Variants in SNX29 observed in about 807,000 individuals in gnomAD.
The protein encoded by SNX29 is sorting nexin 29, also known as sorting nexin-29.
A neutral mutation model predicts 102.1 loss-of-function variants in SNX29; 78 were observed. The ratio of observed to expected loss-of-function variants is 0.76; its 90% CI spans 0.64 to 0.92. The LOEUF (loss-of-function observed/expected upper bound fraction) is 0.92, where lower values mean the gene tolerates loss of function less well. SNX29 is among the 40% of genes least tolerant of loss of function. The probability of loss-of-function intolerance (pLI) is 0.00; values close to 1 mark genes in which losing one functional copy is unlikely to be tolerated. For synonymous variants in SNX29, 580 were observed against 414.5 expected (o/e 1.40, Z -4.85); for missense variants, 1,280 against 1,061.7 (o/e 1.21, Z -2.86).
intron 14 of SNX29, among the ~76,000 whole-genome samples, chr16:12,210,085 C>T (rs982148336): frequency 1.8e-4 from 27 of 152,176 alleles, no homozygotes; most frequent in African/African-American, 6.5e-4. Context: ...TTTGGGGAAC[C>T]CTCTGTCCAG....
At chr16:12,382,762 C>A (rs1296752774) in intron 16 of SNX29, among the ~76,000 whole-genome samples, 2 of 152,170 alleles carry the variant, frequency 1.3e-5, no homozygotes, top group Non-Finnish European at 2.9e-5. Context: ...TCTCTTCTAG[C>A]CTCGGGTGGC....
At chr16:12,536,704 G>A (rs529630100) in intron 20 of SNX29, among the ~76,000 whole-genome samples, 150 of 152,304 alleles carry the variant, frequency 9.8e-4, no homozygotes, top group Non-Finnish European at 1.8e-3. Flanking sequence ...GGGGCTGGAC[G>A]TGGTGGCTCA....
intron 20 of SNX29, among the ~76,000 whole-genome samples, chr16:12,528,795 C>T (rs558781667): frequency 1.3e-5 from 2 of 152,210 alleles, no homozygotes; most frequent in Non-Finnish European, 2.9e-5. Flanking sequence ...GCACACTGTG[C>T]CACTGTGTGT....
chr16:12,070,512 A>G (rs1421544675), intron 10 of SNX29, among the ~76,000 whole-genome samples: 3 of 151,446 alleles, frequency 2.0e-5, no homozygotes, highest in Non-Finnish European at 2.9e-5. Flanking sequence ...TGAACTCATC[A>G]TTTTTTATGG....
chr16:12,077,731 C>G (rs1480521629), intron 10 of SNX29, among the ~76,000 whole-genome samples: 1 of 152,110 alleles, frequency 6.6e-6, no homozygotes, highest in African/African-American at 2.4e-5. Context: ...AGTGATTCTC[C>G]TGCCTCAGCC....
At chr16:12,185,917 G>A (rs1016653323) in intron 13 of SNX29, among the ~76,000 whole-genome samples, 4 of 152,200 alleles carry the variant, frequency 2.6e-5, no homozygotes, top group African/African-American at 9.6e-5. Flanking sequence ...GTTCCCAAAT[G>A]TCACTCAAAG....
At chr16:12,470,947 A>G (rs1272557924) in intron 18 of SNX29, among the ~76,000 whole-genome samples, 3 of 152,300 alleles carry the variant, frequency 2.0e-5, no homozygotes, top group East Asian at 3.9e-4. Flanking sequence ...TTACAGATGA[A>G]GAAGCTGAGT....
intron 15 of SNX29, among the ~76,000 whole-genome samples, chr16:12,279,039 G>C (rs943806115): frequency 6.6e-6 from 1 of 152,192 alleles, no homozygotes; most frequent in Non-Finnish European, 1.5e-5. Context: ...TGGTAAAGTT[G>C]AGAAGCTATG....
At chr16:12,532,525 A>G (rs983885609) in intron 20 of SNX29, among the ~76,000 whole-genome samples, 17 of 152,226 alleles carry the variant, frequency 1.1e-4, no homozygotes, top group African/African-American at 3.4e-4. Flanking sequence ...ATAGTTTAAG[A>G]ATAACTTATG....
chr16:12,537,399 C>G (rs1021910981), intron 20 of SNX29, among the ~76,000 whole-genome samples: 11 of 152,220 alleles, frequency 7.2e-5, no homozygotes, highest in African/African-American at 2.4e-4. Context: ...TTGAGCCAAA[C>G]AGACCTGGGC....
At chr16:12,347,745 G>T (rs1441763754) in intron 15 of SNX29, among the ~76,000 whole-genome samples, 1 of 151,980 alleles carries the variant, frequency 6.6e-6, no homozygotes, top group Non-Finnish European at 1.5e-5. Context: ...TGACAAACCT[G>T]TACAATAGGT....
chr16:12,273,342 GTTT>G (rs59985462), intron 14 of SNX29, among the ~76,000 whole-genome samples: 2 of 145,038 alleles, frequency 1.4e-5, no homozygotes, highest in Admixed American at 6.8e-5. Flanking sequence ...TTTGTTTTTT[GTTT>G]TTTTTTTTTT....
At chr16:12,477,335 C>T (rs1291537555) in intron 18 of SNX29, among the ~76,000 whole-genome samples, 1 of 152,182 alleles carries the variant, frequency 6.6e-6, no homozygotes, top group Non-Finnish European at 1.5e-5. Context: ...CCTCTCAGCT[C>T]TGTTTTACAG....
chr16:12,537,931 G>A (rs1353352478), intron 20 of SNX29, among the ~76,000 whole-genome samples: 1 of 150,144 alleles, frequency 6.7e-6, no homozygotes, highest in East Asian at 2.0e-4. Context: ...GTTGCAGTGA[G>A]CTGAGATCGT....
At chr16:12,274,173 G>A (rs2079174724) in intron 14 of SNX29, among the ~76,000 whole-genome samples, 1 of 152,184 alleles carries the variant, frequency 6.6e-6, no homozygotes, top group Admixed American at 6.5e-5. Context: ...CTCTCACGTG[G>A]CTTGCCTGGG....
At chr16:12,520,584 T>C (rs1032813824) in intron 19 of SNX29, among the ~76,000 whole-genome samples, 4 of 152,160 alleles carry the variant, frequency 2.6e-5, no homozygotes, top group Non-Finnish European at 5.9e-5. Flanking sequence ...AAAGAAAATA[T>C]GGTTTATATA....
At chr16:12,448,713 G>T (rs1423041052) in intron 18 of SNX29, among the ~76,000 whole-genome samples, 1 of 152,154 alleles carries the variant, frequency 6.6e-6, no homozygotes, top group Non-Finnish European at 1.5e-5. Context: ...GCTGCCCAGT[G>T]CTCAGAGACA....
chr16:12,096,725 C>T lies in SNX29; in HGVS notation c.1402+17810C>T, dbSNP rs926021937. Among the ~76,000 whole-genome samples, 2 of 152,202 alleles carry T rather than the reference C, an allele frequency of 1.3e-5. No homozygotes were observed. Among genetic ancestry groups the T allele is most frequent in the Non-Finnish European group, 2.9e-5 (2 of 68,038 alleles). ...CCGCCACTCGATCCACCCATGGGAA[C>T]GAGTTCCCCGTGAAGTGGGAAATTC... On this transcript the variant is annotated intron_variant, in intron 11 of 20. Coordinates refer to ENST00000566228, the MANE Select transcript of SNX29 (RefSeq NM_032167.5). This position sits in a 1 kb window ranked among gnomAD's most constrained non-coding sequence, Gnocchi z 4.2.
At chr16:12,206,469 G>C (rs1189481839) in intron 14 of SNX29, among the ~76,000 whole-genome samples, 1 of 150,688 alleles carries the variant, frequency 6.6e-6, no homozygotes, top group Admixed American at 6.6e-5. Flanking sequence ...TCTGATTTCA[G>C]ACTCTGCCAA....
Sources: allele counts gnomAD v4.1 joint callset (sites outside exome capture counted in the v4.1 genomes callset), GRCh38; gene constraint gnomAD v4.1.1; non-coding constraint Gnocchi (gnomAD v3.1); transcripts MANE v1.5; gene names NCBI Gene and HGNC (gene_info 2026-07-23, HGNC 2026-07-21).